WDPCP: variants seen among roughly 807,000 people sequenced by gnomAD.
The protein encoded by WDPCP is WD repeat containing planar cell polarity effector.
Under a neutral mutation model 93.1 loss-of-function variants are expected in WDPCP, and 71 were observed. That is an observed-to-expected ratio of 0.76 (90% CI 0.63 to 0.93). The LOEUF is 0.93. WDPCP is among the 40% of genes least tolerant of loss of function. The pLI, the probability that WDPCP is intolerant of heterozygous loss-of-function variation, is 0.00. For missense variants in WDPCP, 844 were observed against 887.4 expected (o/e 0.95, Z 0.62); for synonymous variants, 315 against 315.0 (o/e 1.00, Z 0.00).
chr2:63,786,874 AC>A (rs1670473498), intron 2 of WDPCP, among the ~76,000 whole-genome samples: 2 of 152,230 alleles, frequency 1.3e-5, no homozygotes, highest in African/African-American at 4.8e-5. Context: ...AAAAACAAAC[AC>A]AGGGAATTTT....
At chr2:63,230,578 C>G (rs1431382432) in intron 14 of WDPCP, among the ~76,000 whole-genome samples, 2 of 152,102 alleles carry the variant, frequency 1.3e-5, no homozygotes, top group Non-Finnish European at 2.9e-5. Flanking sequence ...TCCTATTTCT[C>G]CACATCCTCT....
At chr2:63,647,632 A>T (rs1179047779) in intron 3 of WDPCP, among the ~76,000 whole-genome samples, 1 of 152,196 alleles carries the variant, frequency 6.6e-6, no homozygotes, top group Non-Finnish European at 1.5e-5. Context: ...GTGAAAGGAA[A>T]GTGACTGCCT....
At chr2:63,426,870 A>AT (rs1281612124) in intron 9 of WDPCP, among the ~76,000 whole-genome samples, 1 of 152,184 alleles carries the variant, frequency 6.6e-6, no homozygotes, top group African/African-American at 2.4e-5. Context: ...AAGATCTATG[A>AT]AAGGGGAAAG....
At chr2:63,188,340 C>G (rs1259677764) in intron 14 of WDPCP, among the ~76,000 whole-genome samples, 1 of 152,006 alleles carries the variant, frequency 6.6e-6, no homozygotes, top group African/African-American at 2.4e-5. Flanking sequence ...TGCTCAGGTT[C>G]TGTTAATTTA....
intron 2 of WDPCP, among the ~76,000 whole-genome samples, chr2:63,792,511 G>A (rs532922539): frequency 1.3e-5 from 2 of 152,222 alleles, no homozygotes; most frequent in East Asian, 3.9e-4. Context: ...CAACATGTCA[G>A]CCCTGAGTGA....
intron 2 of WDPCP, chr2:63,684,746 A>C: frequency 1.7e-6 from 1 of 591,342 alleles, no homozygotes; most frequent in Non-Finnish European, 3.3e-6. Flanking sequence ...AAAATTAAAA[A>C]ATAAGAAAAA....
At chr2:63,758,144 G>A (rs1207811961) in intron 2 of WDPCP, among the ~76,000 whole-genome samples, 3 of 150,802 alleles carry the variant, frequency 2.0e-5, no homozygotes, top group Admixed American at 2.0e-4. Context: ...CCCAGTACTA[G>A]GTAAAATTGT....
At chr2:63,693,445 AG>A (rs1668917639) in intron 2 of WDPCP, among the ~76,000 whole-genome samples, 1 of 137,448 alleles carries the variant, frequency 7.3e-6, no homozygotes, top group Non-Finnish European at 1.6e-5. Flanking sequence ...GATATTAGAT[AG>A]ATAGATAGAT....
chr2:63,520,957 T>G (rs1193685760), intron 1 of WDPCP, among the ~76,000 whole-genome samples: 1 of 151,632 alleles, frequency 6.6e-6, no homozygotes, highest in Non-Finnish European at 1.5e-5. Context: ...CAAACTAAGT[T>G]TGATACTCAA....
At chr2:63,811,772 T>C (rs1418247273) in intron 2 of WDPCP, among the ~76,000 whole-genome samples, 1 of 152,144 alleles carries the variant, frequency 6.6e-6, no homozygotes, top group Non-Finnish European at 1.5e-5. Context: ...TCCCTCCCCA[T>C]TTTGGAGTCC....
chr2:63,512,635 C>T (rs531145508), intron 1 of WDPCP, among the ~76,000 whole-genome samples: 197 of 152,186 alleles, frequency 1.3e-3, no homozygotes, highest in Non-Finnish European at 2.1e-3. Flanking sequence ...AGCAAACTAA[C>T]ACAGCAAAAG....
chr2:63,487,401 GA>G, intron 3 of WDPCP, 45 bp downstream of exon 3: 1 of 1,351,614 alleles, frequency 7.4e-7, no homozygotes, highest in African/African-American at 1.4e-5. Flanking sequence ...TCATGGTTTA[GA>G]ATATTTAGTT....
At chr2:63,282,116 T>C (rs970111320) in intron 13 of WDPCP, among the ~76,000 whole-genome samples, 1 of 152,086 alleles carries the variant, frequency 6.6e-6, no homozygotes, top group Non-Finnish European at 1.5e-5. Flanking sequence ...CAACTCTAAA[T>C]ACCAAAGCAA....
chr2:63,348,679 A>C (rs375942570), intron 12 of WDPCP, among the ~76,000 whole-genome samples: 1 of 152,162 alleles, frequency 6.6e-6, no homozygotes, highest in East Asian at 1.9e-4. Context: ...ATGAAAAATA[A>C]TACTAAGTTG....
At chr2:63,391,558 GA>G (rs1490917454) in intron 10 of WDPCP, among the ~76,000 whole-genome samples, 1 of 152,124 alleles carries the variant, frequency 6.6e-6, no homozygotes, top group Non-Finnish European at 1.5e-5. Flanking sequence ...GCAAGAGAAA[GA>G]AATAAAGGGT....
At chr2:63,166,564 T>G (rs960171717) in intron 15 of WDPCP, among the ~76,000 whole-genome samples, 1 of 152,044 alleles carries the variant, frequency 6.6e-6, no homozygotes, top group Non-Finnish European at 1.5e-5. Context: ...CTAATTTTTT[T>G]GTATTTTTAG....
At chr2:63,705,629 G>C (rs1015207914) in intron 2 of WDPCP, among the ~76,000 whole-genome samples, 7 of 152,048 alleles carry the variant, frequency 4.6e-5, no homozygotes, top group Non-Finnish European at 1.0e-4. Flanking sequence ...TCTTAATCCT[G>C]AGTTCTAGTT....
intron 12 of WDPCP, among the ~76,000 whole-genome samples, chr2:63,345,971 A>C (rs1172357472): frequency 1.3e-5 from 2 of 152,164 alleles, no homozygotes; most frequent in Non-Finnish European, 2.9e-5. Context: ...ACAACTAAAG[A>C]GTTGCAAGAA....
intron 6 of WDPCP, among the ~76,000 whole-genome samples, chr2:63,467,963 C>T (rs1193477658): frequency 6.6e-6 from 1 of 152,076 alleles, no homozygotes; most frequent in Non-Finnish European, 1.5e-5. Flanking sequence ...ACTCAGAACT[C>T]CTTCAAGAGG....
Sources: allele counts gnomAD v4.1 joint callset (sites outside exome capture counted in the v4.1 genomes callset), GRCh38; gene constraint gnomAD v4.1.1; transcripts MANE v1.5; gene names NCBI Gene and HGNC (gene_info 2026-07-23, HGNC 2026-07-21).